DCC: variants seen among roughly 807,000 people sequenced by gnomAD.
DCC encodes netrin receptor DCC.
Under a neutral mutation model 172.5 loss-of-function variants are expected in DCC, and 58 were observed. The ratio of observed to expected loss-of-function variants is 0.34; its 90% CI spans 0.27 to 0.42. The LOEUF (loss-of-function observed/expected upper bound fraction) is 0.42. DCC is among the 10% of genes least tolerant of loss of function. The pLI is 1.00. For missense variants in DCC, 1,740 were observed against 1,791.0 expected (o/e 0.97, Z 0.51); for synonymous variants, 709 against 644.5 (o/e 1.10, Z -1.52).
chr18:53,091,811 ATATCTATCTATC>A lies in DCC; in HGVS notation c.1261+25674_1261+25685del, dbSNP rs750251115. Among the ~76,000 whole-genome samples, 828 of 141,256 alleles carry A rather than the reference ATATCTATCTATC, an allele frequency of 5.9e-3. 7 individuals are homozygous for A. Among genetic ancestry groups the A allele is most frequent in the Admixed American group, 0.024 (330 of 13,970 alleles). The allele number at this position is 141,256 out of a possible 152,430, so 92.7% of individuals were successfully genotyped here. A position where few individuals can be genotyped will look rare whatever the true frequency, so the allele number is the denominator to read the frequency against. ...TCAGTCCATTGCATACACTGTACATATATCTATCTATCTATCTATCTATCTATCTATCTATCT... is the reference window on the plus strand; with the variant it reads ...TCAGTCCATTGCATACACTGTACATATATCTATCTATCTATCTATCTATCT... On this transcript the variant is annotated intron_variant, in intron 7 of 28. Coordinates refer to ENST00000442544, the MANE Select transcript of DCC (RefSeq NM_005215.4).
intron 12 of DCC, among the ~76,000 whole-genome samples, chr18:53,235,829 G>C (rs891444672): frequency 1.3e-5 from 2 of 151,978 alleles, no homozygotes; most frequent in African/African-American, 2.4e-5. Context: ...TTCTGTCTCT[G>C]AATTTGCCTA....
chr18:53,119,320 C>T (rs1391919141), intron 7 of DCC, among the ~76,000 whole-genome samples: 1 of 151,790 alleles, frequency 6.6e-6, no homozygotes, highest in Non-Finnish European at 1.5e-5. Context: ...TATCTCACCT[C>T]TCACCACCCT....
At chr18:52,465,708 T>C (rs1293003121) in intron 1 of DCC, among the ~76,000 whole-genome samples, 1 of 151,670 alleles carries the variant, frequency 6.6e-6, no homozygotes, top group Non-Finnish European at 1.5e-5. Context: ...AAGGCATTTC[T>C]TGAAGGAGGA....
At chr18:52,920,157 G>A (rs566222687) in intron 3 of DCC, among the ~76,000 whole-genome samples, 28 of 151,890 alleles carry the variant, frequency 1.8e-4, no homozygotes, top group Non-Finnish European at 2.8e-4. Flanking sequence ...AGCAAATTTG[G>A]CAATGCATTT....
chr18:52,718,993 C>T (rs1374176262), intron 1 of DCC, among the ~76,000 whole-genome samples: 2 of 152,140 alleles, frequency 1.3e-5, no homozygotes, highest in Admixed American at 6.5e-5. Context: ...TCCATTTTCC[C>T]TCTGAAAACT....
intron 14 of DCC, among the ~76,000 whole-genome samples, chr18:53,323,550 T>A (rs1423796178): frequency 6.6e-6 from 1 of 152,112 alleles, no homozygotes; most frequent in African/African-American, 2.4e-5. Context: ...AGACAGACAT[T>A]TTAGGTGAAG....
At chr18:52,765,848 A>G (rs73957683) in intron 2 of DCC, among the ~76,000 whole-genome samples, 31,811 of 152,064 alleles carry the variant, frequency 0.21, 4,725 homozygotes, top group African/African-American at 0.42. Flanking sequence ...TGGGACAACC[A>G]TGGAAACGTT....
chr18:52,765,023 C>CTTTTTTTTTTTTTTTTTT (rs963400763), intron 2 of DCC, among the ~76,000 whole-genome samples: 1 of 142,366 alleles, frequency 7.0e-6, no homozygotes, highest in African/African-American at 3.0e-5. Context: ...ATTTTCTTTT[C>CTTTTTTTTTTTTTTTTTT]TTTTTTTTCT....
chr18:52,376,675 C>T (rs181673070), intron 1 of DCC, among the ~76,000 whole-genome samples: 1 of 152,130 alleles, frequency 6.6e-6, no homozygotes, highest in African/African-American at 2.4e-5. Context: ...ATTTTCTCTG[C>T]AATCATTTAG....
At chr18:52,875,465 T>G (rs1317528391) in intron 2 of DCC, among the ~76,000 whole-genome samples, 1 of 152,166 alleles carries the variant, frequency 6.6e-6, no homozygotes, top group East Asian at 1.9e-4. Context: ...GAACATAATG[T>G]TCTGTGTGAG....
At chr18:52,346,181 G>T (rs1983870912) in intron 1 of DCC, among the ~76,000 whole-genome samples, 1 of 152,130 alleles carries the variant, frequency 6.6e-6, no homozygotes, top group Non-Finnish European at 1.5e-5. Flanking sequence ...TATTTTCCCT[G>T]CAGGCCAATA....
chr18:53,269,577 T>A (rs1487533609), intron 12 of DCC, among the ~76,000 whole-genome samples: 1 of 152,194 alleles, frequency 6.6e-6, no homozygotes, highest in Non-Finnish European at 1.5e-5. Flanking sequence ...TAATGGCAAT[T>A]ACATTAATCA....
intron 3 of DCC, among the ~76,000 whole-genome samples, chr18:52,911,885 C>T (rs1241030611): frequency 1.3e-5 from 2 of 151,888 alleles, no homozygotes; most frequent in African/African-American, 2.4e-5. Flanking sequence ...GTGCTCCTCT[C>T]ATATATACTG....
rs577644856 is a variant in DCC at position 53,466,820 on chromosome 18, C to T, written c.3620-1074C>T. ...GGATTACAGGCGTGAGCCACCATGC[C>T]TGGCCAGGTTTGCGTAGTTTACTGT... On this transcript the variant is annotated intron_variant, in intron 24 of 28. Coordinates refer to ENST00000442544, the MANE Select transcript of DCC (RefSeq NM_005215.4). Among the ~76,000 whole-genome samples, 46 of 152,314 alleles carry T rather than the reference C, an allele frequency of 3.0e-4. 2 individuals are homozygous for T. In the South Asian group the frequency reaches 9.3e-3, roughly 31 times the overall value.
At chr18:52,497,293 A>ATGTG (rs1243000368) in intron 1 of DCC, among the ~76,000 whole-genome samples, 2,810 of 29,924 alleles carry the variant, frequency 0.094, 457 homozygotes, top group Non-Finnish European at 0.11. Context: ...ATATATATAT[A>ATGTG]TATATATATA....
chr18:52,998,213 C>T (rs565149937), intron 5 of DCC, among the ~76,000 whole-genome samples: 1 of 152,158 alleles, frequency 6.6e-6, no homozygotes, highest in South Asian at 2.1e-4. Flanking sequence ...ATATTTCCAT[C>T]ACTGTGGAAA....
At chr18:52,620,363 ACCATAG>A (rs1247313731) in intron 1 of DCC, among the ~76,000 whole-genome samples, 1 of 152,186 alleles carries the variant, frequency 6.6e-6, no homozygotes, top group Non-Finnish European at 1.5e-5. Flanking sequence ...TTTGCTGCAG[ACCATAG>A]CCTACAATTA....
At chr18:53,524,185 G>T (rs1030128990) in intron 27 of DCC, among the ~76,000 whole-genome samples, 1 of 151,666 alleles carries the variant, frequency 6.6e-6, no homozygotes, top group Non-Finnish European at 1.5e-5. Flanking sequence ...ATGTTAAATA[G>T]CTTGATTTAG....
At chr18:52,557,756 T>C (rs528547854) in intron 1 of DCC, among the ~76,000 whole-genome samples, 9 of 152,286 alleles carry the variant, frequency 5.9e-5, no homozygotes, top group East Asian at 1.9e-4. Context: ...GCCTCCCAGA[T>C]TGAAGCCATT....
Sources: allele counts gnomAD v4.1 joint callset (sites outside exome capture counted in the v4.1 genomes callset), GRCh38; gene constraint gnomAD v4.1.1; transcripts MANE v1.5; gene names NCBI Gene and HGNC (gene_info 2026-07-23, HGNC 2026-07-21).